LOC400499: variants seen among roughly 807,000 people sequenced by gnomAD.
At chr16:11,416,815 C>T in the LOC400499 span, among the ~76,000 whole-genome samples, 4 of 151,978 alleles carry the variant, frequency 2.6e-5, no homozygotes, top group Admixed American at 6.5e-5. Flanking sequence ...GTCCTGGGGC[C>T]GCAGCAAGCC....
At chr16:11,388,607 T>A in the LOC400499 span, among the ~76,000 whole-genome samples, 5 of 152,076 alleles carry the variant, frequency 3.3e-5, no homozygotes, top group Non-Finnish European at 7.4e-5. Context: ...CCCCCTTCTA[T>A]CCACCACCCC....
the LOC400499 span, among the ~76,000 whole-genome samples, chr16:11,459,169 G>T: frequency 1.3e-5 from 2 of 148,776 alleles, no homozygotes; most frequent in Non-Finnish European, 3.0e-5. Flanking sequence ...TGTGAAAAGG[G>T]AAAAAATATC....
At chr16:11,382,039 C>A in the LOC400499 span, among the ~76,000 whole-genome samples, 1 of 151,598 alleles carries the variant, frequency 6.6e-6, no homozygotes, top group African/African-American at 2.4e-5. Flanking sequence ...TGGGTTCAAG[C>A]GATTCTCCTG....
chr16:11,414,431 G>A, the LOC400499 span: 17 of 399,884 alleles, frequency 4.3e-5, no homozygotes, highest in Middle Eastern at 6.2e-4. Context: ...CGTCGTGGCC[G>A]AGCCACCAGG....
the LOC400499 span, chr16:11,485,123 T>A: frequency 2.5e-6 from 1 of 398,364 alleles, no homozygotes; most frequent in African/African-American, 2.1e-5. Context: ...GTCACAGGGG[T>A]GATGATGAGC....
the LOC400499 span, among the ~76,000 whole-genome samples, chr16:11,474,703 CA>C: frequency 0.35 from 48,243 of 138,540 alleles, 8,324 homozygotes; most frequent in Admixed American, 0.46. Context: ...CTACAAAATA[CA>C]AAAAAAAAAA....
At chr16:11,373,587 A>C in the LOC400499 span, among the ~76,000 whole-genome samples, 1 of 151,892 alleles carries the variant, frequency 6.6e-6, no homozygotes, top group Non-Finnish European at 1.5e-5. Flanking sequence ...GGCCTCCCAA[A>C]GTGCTGGGGT....
chr16:11,460,462 G>A, the LOC400499 span: 3 of 1,515,424 alleles, frequency 2.0e-6, no homozygotes, highest in Middle Eastern at 1.7e-4. Flanking sequence ...TGTCGCACCT[G>A]GCCTGGGAAC....
At chr16:11,420,582 CTT>C in the LOC400499 span, among the ~76,000 whole-genome samples, 2 of 145,304 alleles carry the variant, frequency 1.4e-5, no homozygotes, top group African/African-American at 5.4e-5. Context: ...TACCCTAAAA[CTT>C]AAATAATAAT....
the LOC400499 span, among the ~76,000 whole-genome samples, chr16:11,418,313 G>A: frequency 2.0e-5 from 3 of 152,208 alleles, no homozygotes; most frequent in Non-Finnish European, 1.5e-5. Context: ...TTCCCAGGAG[G>A]TCAGGCATTC....
At chr16:11,440,141 G>C in the LOC400499 span, among the ~76,000 whole-genome samples, 1 of 152,124 alleles carries the variant, frequency 6.6e-6, no homozygotes, top group East Asian at 1.9e-4. Context: ...TCACCCAGCA[G>C]AGATACAACC....
the LOC400499 span, chr16:11,446,626 C>A: frequency 3.9e-6 from 6 of 1,535,996 alleles, no homozygotes; most frequent in Admixed American, 1.2e-4. Context: ...ATGCATCAGA[C>A]CTGCACAGAC....
chr16:11,378,383 C>T, the LOC400499 span, among the ~76,000 whole-genome samples: 1 of 151,968 alleles, frequency 6.6e-6, no homozygotes, highest in Non-Finnish European at 1.5e-5. Context: ...CCTGCCTCAG[C>T]CTCCCAAGTA....
At chr16:11,510,875 G>C in the LOC400499 span, among the ~76,000 whole-genome samples, 161 of 151,756 alleles carry the variant, frequency 1.1e-3, 2 homozygotes, top group Admixed American at 4.0e-3. Context: ...GAACTTCAAG[G>C]AGGGATAAAG....
the LOC400499 span, chr16:11,372,332 T>TC: frequency 6.6e-6 from 1 of 152,188 alleles, no homozygotes; most frequent in African/African-American, 2.4e-5. Flanking sequence ...TGGCTTCGTG[T>TC]CCCCCACCAC....
the LOC400499 span, among the ~76,000 whole-genome samples, chr16:11,436,927 T>TCG: frequency 6.6e-6 from 1 of 152,098 alleles, no homozygotes; most frequent in Admixed American, 6.6e-5. Flanking sequence ...TGGTGCTTCC[T>TCG]TAGATGAGCT....
the LOC400499 span, among the ~76,000 whole-genome samples, chr16:11,375,869 A>T: frequency 3.3e-5 from 5 of 151,820 alleles, no homozygotes; most frequent in Admixed American, 1.3e-4. Flanking sequence ...AGCTGGGATT[A>T]CACGCATGCA....
the LOC400499 span, chr16:11,516,404 C>T: frequency 5.0e-6 from 2 of 398,190 alleles, no homozygotes; most frequent in Non-Finnish European, 8.8e-6. Flanking sequence ...TCCTACAGGC[C>T]AGCCCCCATG....
the LOC400499 span, chr16:11,493,542 A>T: frequency 5.1e-6 from 2 of 391,092 alleles, no homozygotes; most frequent in Non-Finnish European, 9.0e-6. Context: ...TGCTCATTAA[A>T]TACATGATGA....
Sources: allele counts gnomAD v4.1 joint callset (sites outside exome capture counted in the v4.1 genomes callset), GRCh38; gene constraint gnomAD v4.1.1; transcripts MANE v1.5.